Variants in XPO4 observed in about 807,000 individuals in gnomAD.
The protein encoded by XPO4 is exportin 4.
In XPO4, 39 loss-of-function variants were observed where a neutral mutation model predicts 143.0. The ratio of observed to expected loss-of-function variants is 0.27; its 90% CI spans 0.21 to 0.36. The LOEUF is 0.36. Among genes scored for constraint, XPO4 ranks in the 10% least tolerant of loss-of-function variants. XPO4 has a pLI of 1.00. For synonymous variants in XPO4, 439 were observed against 474.0 expected, an observed-to-expected ratio of 0.93 and a Z score of 0.96; for missense variants, 907 against 1,348.0, an observed-to-expected ratio of 0.67 and a Z score of 5.12.
chr13:20,791,356 C>G (rs887124184), intron 18 of XPO4, among the ~76,000 whole-genome samples: 1 of 152,072 alleles, frequency 6.6e-6, no homozygotes, highest in Admixed American at 6.5e-5. Context: ...TATATTAAGA[C>G]CATTTTGAGA....
At chr13:20,886,830 T>G (rs1265972106) in intron 1 of XPO4, among the ~76,000 whole-genome samples, 1 of 151,974 alleles carries the variant, frequency 6.6e-6, no homozygotes, top group Non-Finnish European at 1.5e-5. Flanking sequence ...TCCCAGCACT[T>G]TGGGAGGCCA....
At chr13:20,876,847 AT>A (rs1289953447) in intron 1 of XPO4, among the ~76,000 whole-genome samples, 2 of 152,178 alleles carry the variant, frequency 1.3e-5, no homozygotes, top group African/African-American at 4.8e-5. Flanking sequence ...AGCAAGATAT[AT>A]TGTGAAGAAA....
chr13:20,818,813 T>A (rs2059683427), intron 9 of XPO4, among the ~76,000 whole-genome samples: 2 of 151,520 alleles, frequency 1.3e-5, no homozygotes, highest in Non-Finnish European at 2.9e-5. Flanking sequence ...CACGTCCCCC[T>A]CCCCCTCCCC....
intron 1 of XPO4, among the ~76,000 whole-genome samples, chr13:20,880,110 A>G (rs951128779): frequency 6.6e-6 from 1 of 152,200 alleles, no homozygotes; most frequent in Non-Finnish European, 1.5e-5. Flanking sequence ...TGCTGGTGGA[A>G]ATGTAGAAAT....
At chr13:20,862,982 T>TA (rs2060215569) in intron 2 of XPO4, 124 bp from the exon 3 acceptor site, 7 of 1,489,774 alleles carry the variant, frequency 4.7e-6, no homozygotes, top group East Asian at 4.7e-5. Context: ...TTCTTTTTTT[T>TA]ATCCAGTGAC....
chr13:20,850,751 C>G, intron 4 of XPO4: 1 of 966,622 alleles, frequency 1.0e-6, no homozygotes, highest in Non-Finnish European at 1.2e-6. Context: ...GGCGATAGAG[C>G]GAGGCCCTGT....
At chr13:20,875,529 A>G (rs2060342497) in intron 1 of XPO4, among the ~76,000 whole-genome samples, 1 of 151,928 alleles carries the variant, frequency 6.6e-6, no homozygotes, top group Non-Finnish European at 1.5e-5. Context: ...ACCTTCTCCA[A>G]TTTCTTGCAA....
intron 3 of XPO4, chr13:20,857,901 T>A: frequency 3.0e-6 from 3 of 985,128 alleles, no homozygotes; most frequent in Non-Finnish European, 3.6e-6. Context: ...TTTATTTCAA[T>A]TAAGAGGAAA....
intron 17 of XPO4, 64 bp downstream of exon 17, chr13:20,796,700 C>T: frequency 8.1e-7 from 1 of 1,238,094 alleles, no homozygotes. Flanking sequence ...AAGCAAAGAT[C>T]TATTATTTTA....
intron 4 of XPO4, chr13:20,852,560 G>A (rs1221026567): frequency 2.0e-6 from 2 of 983,718 alleles, no homozygotes; most frequent in Admixed American, 6.2e-5. Flanking sequence ...AGCATCTCAT[G>A]AACAAATCTT....
intron 6 of XPO4, among the ~76,000 whole-genome samples, chr13:20,840,742 G>C (rs766376144): frequency 9.2e-5 from 14 of 152,138 alleles, no homozygotes; most frequent in Non-Finnish European, 1.3e-4. Flanking sequence ...TCACTGCCAA[G>C]TTCTTTCTCC....
At chr13:20,880,624 A>G (rs2060399606) in intron 1 of XPO4, among the ~76,000 whole-genome samples, 1 of 152,208 alleles carries the variant, frequency 6.6e-6, no homozygotes, top group South Asian at 2.1e-4. Flanking sequence ...TAAACAAAAC[A>G]TTGTATATTC....
intron 1 of XPO4, among the ~76,000 whole-genome samples, chr13:20,870,901 C>A (rs1179611915): frequency 1.3e-5 from 2 of 152,122 alleles, no homozygotes; most frequent in Non-Finnish European, 2.9e-5. Context: ...GCCTCAACCT[C>A]CAGGGCTCAA....
chr13:20,838,108 A>T (rs1332505841), intron 6 of XPO4, among the ~76,000 whole-genome samples: 2 of 152,172 alleles, frequency 1.3e-5, no homozygotes, highest in Non-Finnish European at 2.9e-5. Flanking sequence ...GAAACTTTGC[A>T]TGAGCGTAAA....
chr13:20,893,540 C>A (rs901799817), intron 1 of XPO4, among the ~76,000 whole-genome samples: 1 of 152,028 alleles, frequency 6.6e-6, no homozygotes, highest in Non-Finnish European at 1.5e-5. Flanking sequence ...GAGTTCGAGA[C>A]CAGTCTAGCC....
chr13:20,843,637 A>T, intron 5 of XPO4, 133 bp downstream of exon 5: 1 of 649,548 alleles, frequency 1.5e-6, no homozygotes, highest in South Asian at 2.0e-5. Flanking sequence ...TATCCTTTGA[A>T]ATCACAAAAC....
In XPO4 at chr13:20,807,510, TG is replaced by T; in HGVS notation, c.1763del (p.Pro588GlnfsTer17). The T allele has an allele frequency of 6.2e-7, 1 of 1,613,810 alleles. No homozygotes were observed. Among genetic ancestry groups the T allele is most frequent in the Non-Finnish European group, 8.5e-7 (1 of 1,179,860 alleles). On this transcript the variant is annotated frameshift_variant, in exon 13 of 23. Coordinates refer to ENST00000255305, the MANE Select transcript of XPO4 (RefSeq NM_022459.5). LOFTEE classifies it high-confidence loss of function. ...INTTLQILGSPGEKASSIPGY... is the reference protein window; with the variant it reads ...INTTLQILGSXGEKASSIPGY... ...CTGGGATGGAAGAAGCCTTTTCTCC[TG>T]GAGATCCCAAAATTTGAAGTGTTGT... is the stretch of plus-strand genomic sequence containing the variant.
At chr13:20,875,112 C>G (rs1595152912) in intron 1 of XPO4, among the ~76,000 whole-genome samples, 1 of 152,018 alleles carries the variant, frequency 6.6e-6, no homozygotes, top group East Asian at 1.9e-4. Context: ...ATGTACCAAC[C>G]AAAAACATAA....
chr13:20,871,952 T>A (rs2060302727), intron 1 of XPO4, among the ~76,000 whole-genome samples: 2 of 152,162 alleles, frequency 1.3e-5, no homozygotes, highest in Admixed American at 6.5e-5. Context: ...AATTATCAAG[T>A]CAATATATTA....
Sources: gnomAD v4.1 joint callset for allele counts (sites outside exome capture counted in the v4.1 genomes callset) on GRCh38, gnomAD v4.1.1 for gene constraint, MANE v1.5 for transcripts, NCBI Gene and HGNC (gene_info 2026-07-23, HGNC 2026-07-21) for gene names.